The following SACS variants were observed in gnomAD, a reference collection of about 807,000 sequenced individuals.
SACS encodes the protein sacsin.
In SACS, 197 loss-of-function variants were observed where a neutral mutation model predicts 348.0. The ratio of observed to expected loss-of-function variants is 0.57; its 90% confidence interval spans 0.50 to 0.64. The LOEUF is 0.64. SACS is among the 30% of genes least tolerant of loss of function. The pLI, the probability that SACS is intolerant of heterozygous loss-of-function variation, is 0.00. For missense variants in SACS, 4,999 were observed against 5,360.8 expected, an observed-to-expected ratio of 0.93 and a Z score of 2.11; for synonymous variants, 1,985 against 1,910.6, an observed-to-expected ratio of 1.04 and a Z score of -1.02.
intron 2 of SACS, chr13:23,375,579 C>G (rs1254342156): frequency 9.7e-7 from 1 of 1,029,344 alleles, no homozygotes; most frequent in African/African-American, 1.7e-5. Flanking sequence ...GGCCCACTCC[C>G]GGCCCTGCAG....
intron 2 of SACS, among the ~76,000 whole-genome samples, chr13:23,384,503 T>C (rs1872192094): frequency 6.6e-6 from 1 of 152,256 alleles, no homozygotes; most frequent in South Asian, 2.1e-4. Flanking sequence ...TTTTCTGTTT[T>C]GTGTTCATTT....
Position 23,339,228 on chromosome 13 carries a change from C to A in SACS, c.4648G>T (p.Val1550Phe), listed in dbSNP as rs1868962228. ...RLGESLKRGE[V>F]DKVGKFGLGF... ...AGACCAAATTTTCCAACTTTGTCAA[C>A]TTCTCCCCTTTTTAAAGATTCTCCT... Residue 1550 changes from valine (V) to phenylalanine (F), a missense_variant, in exon 10 of 10, where the codon GTT (valine) becomes TTT (phenylalanine). Physicochemically the swap from Val to Phe is conservative, Grantham distance 50 (BLOSUM62 -1). Transcript: ENST00000382292. 1.9e-6 allele frequency: 3 copies of A among 1,609,358 alleles called. No homozygotes were observed. In the South Asian group the frequency reaches 3.3e-5, roughly 18 times the overall value.
chr13:23,353,663 G>GT (rs1870116469), intron 9 of SACS, 122 bp downstream of exon 9: 1 of 636,382 alleles, frequency 1.6e-6, no homozygotes, highest in Non-Finnish European at 2.8e-6. Context: ...AACACAAAAA[G>GT]TTTATTAGCT....
intron 2 of SACS, among the ~76,000 whole-genome samples, chr13:23,410,558 A>G (rs2137960345): frequency 6.6e-6 from 1 of 152,354 alleles, no homozygotes; most frequent in Non-Finnish European, 1.5e-5. Context: ...CTATGGCACT[A>G]AAATTTCAAT....
intron 6 of SACS, 92 bp from the exon 7 acceptor site, chr13:23,358,573 C>T (rs926100174): frequency 4.3e-6 from 6 of 1,397,224 alleles, no homozygotes; most frequent in Admixed American, 1.7e-5. Context: ...ATCTCTTATT[C>T]GAAGGGAAAA....
intron 2 of SACS, among the ~76,000 whole-genome samples, chr13:23,389,704 A>C (rs1250814428): frequency 6.6e-6 from 1 of 152,226 alleles, no homozygotes; most frequent in Non-Finnish European, 1.5e-5. Context: ...TGAAGGACAC[A>C]TTTGCTTCCA....
chr13:23,425,116 C>T (rs1874116116), intron 1 of SACS, among the ~76,000 whole-genome samples: 1 of 151,984 alleles, frequency 6.6e-6, no homozygotes, highest in Non-Finnish European at 1.5e-5. Context: ...CCACTTGGGG[C>T]CTGACGTCCA....
intron 2 of SACS, among the ~76,000 whole-genome samples, chr13:23,393,770 AT>A (rs1392284247): frequency 6.7e-6 from 1 of 149,342 alleles, no homozygotes; most frequent in African/African-American, 2.5e-5. Context: ...ATTTTTTTTT[AT>A]TTTTTTTGAG....
intron 2 of SACS, among the ~76,000 whole-genome samples, chr13:23,404,552 A>G (rs999700442): frequency 1.3e-5 from 2 of 152,210 alleles, no homozygotes; most frequent in African/African-American, 2.4e-5. Context: ...TATTCAAAAT[A>G]GTATTGGAAG....
chr13:23,334,536 T>G lies in SACS; in HGVS notation c.9340A>C (p.Ile3114Leu). The G allele has an allele frequency of 6.2e-7, 1 of 1,613,538 alleles. No homozygotes were observed. Among genetic ancestry groups the G allele is most frequent in the Non-Finnish European group, 8.5e-7 (1 of 1,179,738 alleles). ...TFSSPDTNCH[I>L]GKLPCRLQQT... The stretch of plus-strand genomic sequence containing the variant: ...TGCAGACGACAAGGCAGCTTCCCAA[T>G]ATGGCAATTAGTGTCAGGAGAGGAA... The change falls in exon 10 of 10, where the codon ATT (isoleucine) becomes CTT (leucine). Residue 3114 changes from isoleucine (I) to leucine (L), a missense_variant. Transcript: ENST00000382292.
chr13:23,393,067 C>G (rs1477430241), intron 2 of SACS, among the ~76,000 whole-genome samples: 1 of 152,130 alleles, frequency 6.6e-6, no homozygotes, highest in Non-Finnish European at 1.5e-5. Context: ...GGGTGCAGGG[C>G]AGTAACGTCT....
intron 8 of SACS, 101 bp downstream of exon 8, chr13:23,354,418 G>A (rs1373574469): frequency 7.0e-6 from 7 of 995,110 alleles, no homozygotes; most frequent in Admixed American, 1.9e-5. Flanking sequence ...CTATAAAATC[G>A]ACATAGAAAA....
intron 1 of SACS, among the ~76,000 whole-genome samples, chr13:23,418,220 C>A (rs1873762978): frequency 6.6e-6 from 1 of 151,908 alleles, no homozygotes; most frequent in Non-Finnish European, 1.5e-5. Flanking sequence ...AAGAAACAAC[C>A]TAAGAGAAAA....
At chr13:23,356,327 G>A (rs150580583) in intron 7 of SACS, among the ~76,000 whole-genome samples, 1 of 152,166 alleles carries the variant, frequency 6.6e-6, no homozygotes, top group Non-Finnish European at 1.5e-5. Context: ...ACCACCATGT[G>A]AGCCCAATTC....
intron 2 of SACS, among the ~76,000 whole-genome samples, chr13:23,376,737 C>G (rs562976285): frequency 6.6e-6 from 1 of 152,120 alleles, no homozygotes; most frequent in Admixed American, 6.5e-5. Flanking sequence ...AAGACAAGGC[C>G]AGAAAGCCCT....
At position 23,329,940 on chromosome 13, in the gene SACS, T is replaced by A. The variant is rs1883359917; in HGVS notation, c.*196A>T. The A allele has an allele frequency of 1.7e-6, 1 of 604,312 alleles. No individual in the cohort carries two copies. 37.4% of individuals were successfully genotyped at this position (604,312 alleles called of 1,614,324 possible). A position where few individuals can be genotyped will look rare whatever the true frequency, so the allele number is the denominator to read the frequency against. On this transcript the variant is annotated 3_prime_UTR_variant, in exon 10 of 10. Transcript: ENST00000382292. ...GCTATTTTGCAGCTCACCACCATCT[T>A]CAAAATAGTTTTCTTTTAGATTCAG...
intron 2 of SACS, among the ~76,000 whole-genome samples, chr13:23,395,100 C>G (rs1872660949): frequency 6.6e-6 from 1 of 151,938 alleles, no homozygotes; most frequent in Admixed American, 6.5e-5. Context: ...GTTCATTCGA[C>G]AGGGAGGCTG....
At chr13:23,383,687 C>T (rs771840362) in intron 2 of SACS, among the ~76,000 whole-genome samples, 1 of 152,208 alleles carries the variant, frequency 6.6e-6, no homozygotes, top group Non-Finnish European at 1.5e-5. Context: ...CTCTCTCCCC[C>T]CAACACTGTT....
At position 23,375,123 on chromosome 13, in the gene SACS, C is replaced by A; in HGVS notation, c.167G>T (p.Arg56Leu). 2 of 1,495,478 alleles carry A rather than the reference C, an allele frequency of 1.3e-6. No individual in the cohort carries two copies. The highest frequency in any genetic ancestry group is 1.7e-4 in the Middle Eastern group (1 of 5,732). The allele number at this position is 1,495,478 out of a possible 1,614,324, so 92.6% of individuals were successfully genotyped here. A position where few individuals can be genotyped will look rare whatever the true frequency, so the allele number is the denominator to read the frequency against. Residue 56 changes from arginine (R) to leucine (L), a missense_variant, in exon 3 of 10, where the codon CGC (arginine) becomes CTC (leucine). By Grantham distance (102) the Arg-to-Leu change is moderately radical (BLOSUM62 -2). This residue lies in a region of SACS where 3,156 missense variants were observed against 3,380.1 expected (regional missense o/e 0.93). Transcript: ENST00000382292. ...GCGCCCCCGGCCACCGCCTACCTCG[C>A]GGCCGCCGCGCCACAGCCGCTGCTC... ...VSEQRLWRGG[R>L]ELSDWIKIGD...
Sources: gnomAD v4.1 joint callset for allele counts (sites outside exome capture counted in the v4.1 genomes callset) on GRCh38, gnomAD v4.1.1 for gene constraint, gnomAD v4.1.1 regional missense constraint, MANE v1.5 for transcripts, NCBI Gene and HGNC (gene_info 2026-07-23, HGNC 2026-07-21) for gene names.